The following CEMIP variants were observed in gnomAD, a reference collection of about 807,000 sequenced individuals.
The protein encoded by CEMIP is cell migration inducing hyaluronidase 1.
CEMIP carries 105 observed loss-of-function variants against 156.9 expected under a neutral mutation model. The observed-to-expected ratio is 0.67, with a 90% CI of 0.57 to 0.79. CEMIP has a LOEUF of 0.79. CEMIP is among the 30% of genes least tolerant of loss of function. The pLI, the probability that CEMIP is intolerant of heterozygous loss-of-function variation, is 0.00. For missense variants in CEMIP, 1,457 were observed against 1,769.4 expected, an observed-to-expected ratio of 0.82 and a Z score of 3.17; for synonymous variants, 676 against 668.4, an observed-to-expected ratio of 1.01 and a Z score of -0.17.
In CEMIP at chr15:80,890,183, G is replaced by A. The variant is rs550756749; in HGVS notation, c.1086+591G>A. ...GGATACTAGGCTTTGGGAACAACAG[G>A]AGAGACAGGAGAAATAGGCAAAGTA... On this transcript the variant is annotated intron_variant, in intron 10 of 29. Coordinates refer to ENST00000394685, the MANE Select transcript of CEMIP (RefSeq NM_001293298.2). Among the ~76,000 whole-genome samples the A allele has an allele frequency of 3.9e-5, 6 of 152,292 alleles. No individual in the cohort carries two copies. In the South Asian group the frequency reaches 1.2e-3, roughly 32 times the overall value.
intron 1 of CEMIP, among the ~76,000 whole-genome samples, chr15:80,865,285 G>A (rs1424850889): frequency 6.6e-6 from 1 of 152,036 alleles, no homozygotes; most frequent in Non-Finnish European, 1.5e-5. Context: ...GGGTTCAAGC[G>A]ATTTTCCTGC....
chr15:80,926,287 C>T (rs564371107), intron 19 of CEMIP, among the ~76,000 whole-genome samples: 90 of 152,296 alleles, frequency 5.9e-4, no homozygotes, highest in Non-Finnish European at 8.8e-4. Context: ...AGGCAGGGAA[C>T]GCTGAGCTCT....
chr15:80,906,790 C>T lies in CEMIP; in HGVS notation c.1539C>T (p.Asn513=). The change falls in exon 13 of 30, where the codon AAC becomes AAT. Residue 513 remains asparagine (N), a synonymous_variant. Coordinates refer to ENST00000394685, the MANE Select transcript of CEMIP (RefSeq NM_001293298.2). This position sits in a 1 kb window ranked among gnomAD's most constrained non-coding sequence, Gnocchi z 4.3. ...AGGACAAATGCTACCCCTACAGAAA[C>T]CACATCTGCAATTTCTTTGACTTCG... ...EMEDKCYPYR[N]HICNFFDFDT... 1.9e-6 allele frequency: 3 copies of T among 1,614,188 alleles called. No homozygotes were observed. The highest frequency in any genetic ancestry group is 2.5e-6 in the Non-Finnish European group (3 of 1,180,026).
rs1899926100 is a variant in CEMIP, at chr15:80,909,013, C to G, written c.1588-84C>G. 3.9e-6 allele frequency: 5 copies of G among 1,275,954 alleles called. No homozygotes were observed. The East Asian group carries it at 9.4e-5, about 24-fold the overall frequency. The allele number at this position is 1,275,954 out of a possible 1,614,324, so 79.0% of individuals were successfully genotyped here. On this transcript the variant is annotated intron_variant, in intron 13 of 29. Transcript: ENST00000394685. ...TGGAGACTGACAAAGAACAATGCCT[C>G]TGCATCTTTGGAATATGGGCACCAG...
intron 25 of CEMIP, among the ~76,000 whole-genome samples, chr15:80,941,021 C>G (rs1901314668): frequency 6.6e-6 from 1 of 152,202 alleles, no homozygotes; most frequent in African/African-American, 2.4e-5. Flanking sequence ...ATCTTGGTTA[C>G]TGGTTGGCCA....
Position 80,932,980 on chromosome 15 carries a change from A to G in CEMIP, c.2794-265A>G, listed in dbSNP as rs1567108220. ...AAGGCTGTGTGTCAGAGCAGTCTCC[A>G]AGCTCATCCACAGCAGCCAACCCTC... On this transcript the variant is annotated intron_variant, in intron 22 of 29. Coordinates refer to ENST00000394685, the MANE Select transcript of CEMIP (RefSeq NM_001293298.2). The surrounding 1 kb of genome is among the most constrained non-coding windows in gnomAD (Gnocchi z 4.5). Among the ~76,000 whole-genome samples the G allele has an allele frequency of 6.6e-6, 1 of 152,144 alleles. No homozygotes were observed. The highest frequency in any genetic ancestry group is 1.5e-5 in the Non-Finnish European group (1 of 68,026).
chr15:80,923,290 A>T (rs1016401184), intron 17 of CEMIP, among the ~76,000 whole-genome samples: 35 of 152,254 alleles, frequency 2.3e-4, no homozygotes, highest in African/African-American at 8.4e-4. Flanking sequence ...GGTAACAGAG[A>T]GGGCATTTCT....
chr15:80,919,974 A>G, intron 14 of CEMIP, 120 bp from the exon 15 acceptor site: 1 of 917,982 alleles, frequency 1.1e-6, no homozygotes, highest in Non-Finnish European at 1.8e-6. Flanking sequence ...ACATGAGACT[A>G]TTTAGTGTTT....
chr15:80,850,203 G>A (rs1345077794), intron 1 of CEMIP, among the ~76,000 whole-genome samples: 1 of 152,192 alleles, frequency 6.6e-6, no homozygotes, highest in African/African-American at 2.4e-5. Context: ...TTTGGCAGGA[G>A]CTGGCCGGGG....
rs1901807023 is a variant in CEMIP, at chr15:80,951,192, C to T, written c.*2268C>T. The T allele has an allele frequency of 1.3e-5, 2 of 152,648 alleles. No individual in the cohort carries two copies. The highest frequency in any genetic ancestry group is 1.3e-4 in the Admixed American group (2 of 15,284). The allele number at this position is 152,648 out of a possible 1,614,324, so 9.5% of individuals were successfully genotyped here. ...TGCAAGGGTCTCACACTGTGAACCA[C>T]TTAGGATGTGATCACTTTCAGGTGG... On this transcript the variant is annotated 3_prime_UTR_variant, in exon 30 of 30. Transcript: ENST00000394685.
chr15:80,881,236 C>T, intron 6 of CEMIP, 100 bp downstream of exon 6: 1 of 1,028,244 alleles, frequency 9.7e-7, no homozygotes. Flanking sequence ...GGGAGAACAG[C>T]AGTGAATGAA....
At chr15:80,822,927 A>G (rs1389087980) in intron 1 of CEMIP, among the ~76,000 whole-genome samples, 1 of 152,196 alleles carries the variant, frequency 6.6e-6, no homozygotes, top group African/African-American at 2.4e-5. Context: ...TTTGAGAAAC[A>G]GTCAAACGAA....
chr15:80,887,807 C>T, intron 8 of CEMIP, 43 bp downstream of exon 8: 1 of 1,492,164 alleles, frequency 6.7e-7, no homozygotes, highest in South Asian at 1.1e-5. Flanking sequence ...TCCAGTGTCT[C>T]TCTGATCAAG....
intron 1 of CEMIP, among the ~76,000 whole-genome samples, chr15:80,862,706 A>T (rs550131418): frequency 1.3e-5 from 2 of 152,262 alleles, no homozygotes; most frequent in South Asian, 4.2e-4. Context: ...GTGGATGAGG[A>T]GCAGGGGTGG....
intron 1 of CEMIP, among the ~76,000 whole-genome samples, chr15:80,838,499 T>C (rs974242215): frequency 2.0e-5 from 3 of 152,076 alleles, no homozygotes; most frequent in Non-Finnish European, 4.4e-5. Flanking sequence ...CAAGGCTGAG[T>C]GCAATGCCAC....
chr15:80,869,841 GA>G (rs1489300117), intron 1 of CEMIP, among the ~76,000 whole-genome samples: 4 of 152,190 alleles, frequency 2.6e-5, no homozygotes, highest in Admixed American at 6.5e-5. Flanking sequence ...TGTTCACAAT[GA>G]GAAGGCACAG....
At chr15:80,904,565 A>G (rs2141883086) in intron 12 of CEMIP, among the ~76,000 whole-genome samples, 1 of 152,324 alleles carries the variant, frequency 6.6e-6, no homozygotes, top group East Asian at 1.9e-4. Flanking sequence ...TGGGTGGGCC[A>G]AATGTGATCA....
chr15:80,853,587 C>G (rs896559192), intron 1 of CEMIP, among the ~76,000 whole-genome samples: 1 of 152,102 alleles, frequency 6.6e-6, no homozygotes, highest in African/African-American at 2.4e-5. Context: ...GGAATTGACC[C>G]AATTCAAATG....
At chr15:80,921,777 T>C (rs1900479662) in intron 16 of CEMIP, among the ~76,000 whole-genome samples, 1 of 152,264 alleles carries the variant, frequency 6.6e-6, no homozygotes, top group African/African-American at 2.4e-5. Context: ...GAGCCATGTC[T>C]GATAGAGTAG....
Sources: gnomAD v4.1 joint callset for allele counts (sites outside exome capture counted in the v4.1 genomes callset) on GRCh38, gnomAD v4.1.1 for gene constraint, Gnocchi (gnomAD v3.1) non-coding constraint, MANE v1.5 for transcripts, NCBI Gene and HGNC (gene_info 2026-07-23, HGNC 2026-07-21) for gene names.